TM4SF20: variants seen among roughly 807,000 people sequenced by gnomAD.
TM4SF20 encodes transmembrane 4 L6 family member 20.
In TM4SF20, 13 loss-of-function variants were observed where a neutral mutation model predicts 15.1. The ratio of observed to expected loss-of-function variants is 0.86; its 90% CI spans 0.56 to 1.36. The LOEUF is 1.36. Ranked by LOEUF, TM4SF20 falls within the 40% of genes most tolerant of loss-of-function variation. The pLI, the probability that TM4SF20 is intolerant of heterozygous loss-of-function variation, is 0.00. For missense variants in TM4SF20, 282 were observed against 268.4 expected (o/e 1.05, Z -0.35); for synonymous variants, 92 against 96.6 (o/e 0.95, Z 0.28).
intron 1 of TM4SF20, among the ~76,000 whole-genome samples, chr2:227,375,279 G>A (rs752139342): frequency 2.6e-5 from 4 of 152,054 alleles, no homozygotes; most frequent in African/African-American, 4.8e-5. Context: ...TATAGTCCCA[G>A]CTACTGAGGA....
chr2:227,373,440 C>G (rs1213170045), intron 1 of TM4SF20, among the ~76,000 whole-genome samples: 1 of 152,164 alleles, frequency 6.6e-6, no homozygotes, highest in Non-Finnish European at 1.5e-5. Flanking sequence ...TATCAGTATT[C>G]GTGCACTAAA....
At chr2:227,377,606 A>G (rs1376470750) in intron 1 of TM4SF20, among the ~76,000 whole-genome samples, 1 of 152,236 alleles carries the variant, frequency 6.6e-6, no homozygotes, top group African/African-American at 2.4e-5. Context: ...GTAGAAAACT[A>G]TGTCCTGAAT....
At chr2:227,366,430 A>G (rs1470600552) in intron 2 of TM4SF20, among the ~76,000 whole-genome samples, 186 bp from the exon 3 acceptor site, 1 of 152,094 alleles carries the variant, frequency 6.6e-6, no homozygotes, top group Non-Finnish European at 1.5e-5. Flanking sequence ...GATTACACTC[A>G]ATAAAAGATG....
At chr2:227,370,668 G>A (rs1006706897) in intron 2 of TM4SF20, among the ~76,000 whole-genome samples, 3 of 152,172 alleles carry the variant, frequency 2.0e-5, no homozygotes, top group African/African-American at 7.2e-5. Flanking sequence ...TGAGGCAGGA[G>A]AATTGCTTGA....
Position 227,374,088 on chromosome 2 carries a change from T to TAAAA in TM4SF20, c.184-3112_184-3109dup, listed in dbSNP as rs79866106. Among the ~76,000 whole-genome samples the TAAAA allele has an allele frequency of 2.2e-4, 19 of 85,290 alleles. 1 individual carries two copies. Among genetic ancestry groups the TAAAA allele is most frequent in the East Asian group, 3.7e-4 (1 of 2,716 alleles). The allele number at this position is 85,290 out of a possible 152,430, so 56.0% of individuals were successfully genotyped here. On this transcript the variant is annotated intron_variant, in intron 1 of 3. Coordinates refer to ENST00000304568, the MANE Select transcript of TM4SF20 (RefSeq NM_024795.4). ...CTAGATGACAAAGTGAGACCCTGTC[T>TAAAA]AAAAAAAAAAAAAAAAAAAAAAAAG...
At position 227,363,761 on chromosome 2, in the gene TM4SF20, A is replaced by G. The variant is rs571546480; in HGVS notation, c.653T>C (p.Leu218Pro). 5.6e-6 allele frequency: 9 copies of G among 1,614,170 alleles called. No homozygotes were observed. The South Asian group carries it at 8.8e-5, about 16-fold the overall frequency. Residue 218 changes from leucine to proline, a missense_variant, in exon 4 of 4, where the codon CTG becomes CCG. Leu to Pro is a moderately conservative substitution (Grantham distance 98). Transcript: ENST00000304568. ...ACTTCTTCGCTTAGAGACTCCACAC[A>G]GACAGCCAAGGAAACCGATGACTAT... ...SQIVIGFLGCLCGVSKRRSQI... is the reference protein window; with the variant it reads ...SQIVIGFLGCPCGVSKRRSQI...
chr2:227,366,083 A>G lies in TM4SF20; in HGVS notation c.401+10T>C, dbSNP rs373277350. On this transcript the variant is annotated intron_variant, in intron 3 of 3. Transcript: ENST00000304568. The stretch of plus-strand genomic sequence containing the variant: ...TGAGACAGTAAGCCTGTGAAAATCA[A>G]GTTACTTACCTGATGTTTTTCAATG... The G allele has an allele frequency of 3.3e-4, 524 of 1,609,960 alleles. No individual in the cohort carries two copies. The highest frequency in any genetic ancestry group is 4.1e-4 in the Non-Finnish European group (487 of 1,178,332).
upstream of TM4SF20, among the ~76,000 whole-genome samples, chr2:227,380,083 C>T (rs2076472356): frequency 6.6e-6 from 1 of 152,228 alleles, no homozygotes; most frequent in African/African-American, 2.4e-5. Context: ...AATCTCAGTG[C>T]TTTGGGAGGC....
intron 1 of TM4SF20, among the ~76,000 whole-genome samples, chr2:227,377,650 G>T (rs1442953582): frequency 2.6e-5 from 4 of 152,154 alleles, no homozygotes; most frequent in Admixed American, 1.3e-4. Flanking sequence ...CCATAAAAAA[G>T]GAATGAGATC....
At chr2:227,378,688 A>G (rs1402982179) in intron 1 of TM4SF20, among the ~76,000 whole-genome samples, 1 of 152,166 alleles carries the variant, frequency 6.6e-6, no homozygotes, top group East Asian at 1.9e-4. Flanking sequence ...ACTCATCCCT[A>G]TTAAGCAACC....
At chr2:227,372,728 AG>A (rs2076427306) in intron 1 of TM4SF20, among the ~76,000 whole-genome samples, 1 of 152,134 alleles carries the variant, frequency 6.6e-6, no homozygotes, top group African/African-American at 2.4e-5. Context: ...TTTTTGAGAC[AG>A]GGTCTCACTC....
At position 227,379,134 on chromosome 2, in the gene TM4SF20, G is replaced by A. The variant is rs1452540476; in HGVS notation, c.135C>T (p.Ile45=). The A allele has an allele frequency of 1.2e-6, 2 of 1,614,176 alleles. No homozygotes were observed. The highest frequency in any genetic ancestry group is 1.7e-6 in the Non-Finnish European group (2 of 1,180,036). Residue 45 remains isoleucine (I), a synonymous_variant, in exon 1 of 4, where the codon ATC becomes ATT. Transcript: ENST00000304568. ...VEEDQFSQNP[I]SCFEWWFPGI... is the part of the protein sequence containing the mutation. ...CTGGGAACCACCACTCAAAGCAAGAGATGGGGTTTTGAGAAAATTGGTCTT... is the reference window on the plus strand; with the variant it reads ...CTGGGAACCACCACTCAAAGCAAGAAATGGGGTTTTGAGAAAATTGGTCTT...
chr2:227,362,358 A>G lies in TM4SF20; in HGVS notation c.*1366T>C, dbSNP rs1441968945. The G allele has an allele frequency of 1.3e-5, 2 of 152,220 alleles. No individual in the cohort carries two copies. Among genetic ancestry groups the G allele is most frequent in the Non-Finnish European group, 2.9e-5 (2 of 68,040 alleles). The allele number at this position is 152,220 out of a possible 1,614,324, so 9.4% of individuals were successfully genotyped here. ...ATTGCCATGTACCTGTCACCTAAAT[A>G]TAACAGTAAACATCTCCCCGTTGCT... On this transcript the variant is annotated 3_prime_UTR_variant, in exon 4 of 4. Coordinates refer to ENST00000304568, the MANE Select transcript of TM4SF20 (RefSeq NM_024795.4).
upstream of TM4SF20, chr2:227,381,640 G>A (rs2076480180): frequency 6.6e-6 from 1 of 152,132 alleles, no homozygotes; most frequent in Non-Finnish European, 1.5e-5. Flanking sequence ...TTCATAAGAT[G>A]TTGAATTGAA....
In TM4SF20 at chr2:227,372,865, C is replaced by T. The variant is rs545504140; in HGVS notation, c.184-1885G>A. Among the ~76,000 whole-genome samples, 34 of 152,166 alleles carry T rather than the reference C, an allele frequency of 2.2e-4. 1 individual carries two copies. The South Asian group carries it at 6.6e-3, about 30-fold the overall frequency. Reference sequence around the variant, plus strand: ...GACTACAGATGCATGCCATCACGCCCTGTTAGTTTTAATTTATTCTGGGGG... The same window carrying T: ...GACTACAGATGCATGCCATCACGCCTTGTTAGTTTTAATTTATTCTGGGGG... On this transcript the variant is annotated intron_variant, in intron 1 of 3. Coordinates refer to ENST00000304568, the MANE Select transcript of TM4SF20 (RefSeq NM_024795.4).
chr2:227,379,226 G>A lies in TM4SF20; in HGVS notation c.43C>T (p.Leu15=). The A allele has an allele frequency of 6.2e-7, 1 of 1,614,226 alleles. No individual in the cohort carries two copies. The highest frequency in any genetic ancestry group is 8.5e-7 in the Non-Finnish European group (1 of 1,180,040). Residue 15 remains leucine (L), a synonymous_variant, in exon 1 of 4, where the codon CTG becomes TTG. Transcript: ENST00000304568. ...EGWTSCNGFS[L]LVLLLLGVVL... Reference sequence around the variant, plus strand: ...ACTCCTAACAGCAGTAGAACCAGCAGGCTGAATCCATTGCAGGATGTCCAT... The same window carrying A: ...ACTCCTAACAGCAGTAGAACCAGCAAGCTGAATCCATTGCAGGATGTCCAT...
intron 1 of TM4SF20, among the ~76,000 whole-genome samples, chr2:227,374,151 A>G (rs943623228): frequency 4.0e-5 from 6 of 149,458 alleles, no homozygotes; most frequent in Admixed American, 2.0e-4. Context: ...AAATTGTTCT[A>G]TTTTCCTTGT....
intron 2 of TM4SF20, among the ~76,000 whole-genome samples, chr2:227,367,329 A>G (rs754374735): frequency 6.6e-6 from 1 of 152,216 alleles, no homozygotes; most frequent in Non-Finnish European, 1.5e-5. Flanking sequence ...AGAAGAAGGC[A>G]TGGAATTTGG....
upstream of TM4SF20, among the ~76,000 whole-genome samples, chr2:227,380,572 CA>C (rs2076475088): frequency 6.6e-6 from 1 of 152,054 alleles, no homozygotes. Flanking sequence ...TTTCATTGGC[CA>C]AAAAAGTCAC....
Sources: gnomAD v4.1 joint callset for allele counts (sites outside exome capture counted in the v4.1 genomes callset) on GRCh38, gnomAD v4.1.1 for gene constraint, MANE v1.5 for transcripts, NCBI Gene and HGNC (gene_info 2026-07-23, HGNC 2026-07-21) for gene names.